ZSWIM6: variants seen among roughly 807,000 people sequenced by gnomAD.
ZSWIM6 encodes the protein zinc finger SWIM domain-containing protein 6.
A neutral mutation model predicts 113.2 loss-of-function variants in ZSWIM6; 9 were observed. The ratio of observed to expected loss-of-function variants is 0.08; its 90% CI spans 0.05 to 0.14. The LOEUF (loss-of-function observed/expected upper bound fraction) is 0.14. ZSWIM6 is among the 10% of genes least tolerant of loss of function. The pLI is 1.00. For missense variants in ZSWIM6, 1,162 were observed against 1,552.2 expected, an observed-to-expected ratio of 0.75 and a Z score of 4.22; for synonymous variants, 611 against 606.5, an observed-to-expected ratio of 1.01 and a Z score of -0.11.
chr5:61,402,094 G>C (rs935193614), intron 1 of ZSWIM6, among the ~76,000 whole-genome samples: 7 of 152,164 alleles, frequency 4.6e-5, no homozygotes, highest in African/African-American at 1.7e-4. Context: ...TCAAGGAAAT[G>C]ATTTCTTATC....
At chr5:61,348,567 A>G (rs1561201735) in intron 1 of ZSWIM6, among the ~76,000 whole-genome samples, 1 of 152,090 alleles carries the variant, frequency 6.6e-6, no homozygotes, top group African/African-American at 2.4e-5. Flanking sequence ...CGTTTCAGGG[A>G]TTTATTGGCT....
chr5:61,430,159 C>A (rs1746549766), intron 1 of ZSWIM6, among the ~76,000 whole-genome samples: 1 of 151,818 alleles, frequency 6.6e-6, no homozygotes, highest in African/African-American at 2.4e-5. Context: ...GGAATGGAAG[C>A]CAGATTGAAA....
chr5:61,476,959 C>T (rs1235834294), intron 2 of ZSWIM6, among the ~76,000 whole-genome samples: 7 of 152,056 alleles, frequency 4.6e-5, no homozygotes. Context: ...TAATTTTAAT[C>T]ATACAATGGA....
At chr5:61,385,754 C>T (rs1381386313) in intron 1 of ZSWIM6, among the ~76,000 whole-genome samples, 2 of 152,198 alleles carry the variant, frequency 1.3e-5, no homozygotes, top group Non-Finnish European at 2.9e-5. Flanking sequence ...GGGAGGCTTC[C>T]CTCAGCCCCT....
Position 61,494,237 on chromosome 5 carries a change from A to C in ZSWIM6, c.1183-23A>C, listed in dbSNP as rs748707277. ...GTGTTTTCGTTTTGAACAATTTTCT[A>C]AAGGTCTGTTTTTCCCCATTAGGTG... On this transcript the variant is annotated intron_variant, in intron 3 of 13. Transcript: ENST00000252744. The C allele has an allele frequency of 7.8e-6, 12 of 1,544,974 alleles. No individual in the cohort carries two copies. In the African/African-American group the frequency reaches 1.7e-4, roughly 21 times the overall value.
intron 1 of ZSWIM6, among the ~76,000 whole-genome samples, chr5:61,336,572 A>G (rs1433541402): frequency 6.6e-6 from 1 of 152,150 alleles, no homozygotes; most frequent in Non-Finnish European, 1.5e-5. Flanking sequence ...AGCCTGGCCA[A>G]CATGGCAAAT....
chr5:61,392,681 C>T (rs1745747649), intron 1 of ZSWIM6, among the ~76,000 whole-genome samples: 1 of 152,170 alleles, frequency 6.6e-6, no homozygotes, highest in Middle Eastern at 3.4e-3. Flanking sequence ...GGCGTGATCG[C>T]AGCTCACCGC....
At chr5:61,490,970 A>G (rs1748160638) in intron 3 of ZSWIM6, 36 bp downstream of exon 3, 1 of 1,488,034 alleles carries the variant, frequency 6.7e-7, no homozygotes, top group Non-Finnish European at 8.9e-7. Flanking sequence ...TATTCTAAAT[A>G]TATACATATA....
Position 61,494,374 on chromosome 5 carries a change from A to G in ZSWIM6, c.1297A>G (p.Met433Val), listed in dbSNP as rs904124463. ...LSLWRQQGTA[M>V]TDKYRQLWDE... ...ACTTTGGCGGCAACAAGGCACTGCA[A>G]TGACTGACAAATACAGGCAGCTCTG... is the stretch of plus-strand genomic sequence containing the variant. The change falls in exon 4 of 14, where the codon ATG (methionine) becomes GTG (valine). Residue 433 changes from methionine to valine, a missense_variant. Coordinates refer to ENST00000252744, the MANE Select transcript of ZSWIM6 (RefSeq NM_020928.2). The G allele has an allele frequency of 1.3e-6, 2 of 1,550,988 alleles. No homozygotes were observed. Among genetic ancestry groups the G allele is most frequent in the African/African-American group, 2.7e-5 (2 of 73,002 alleles).
At chr5:61,379,132 T>C (rs1282593202) in intron 1 of ZSWIM6, among the ~76,000 whole-genome samples, 1 of 141,752 alleles carries the variant, frequency 7.1e-6, no homozygotes, top group Non-Finnish European at 1.5e-5. Flanking sequence ...AGTGAGCTAC[T>C]GTGATCATGC....
intron 2 of ZSWIM6, among the ~76,000 whole-genome samples, chr5:61,481,905 A>G (rs1449236162): frequency 6.6e-6 from 1 of 152,204 alleles, no homozygotes. Flanking sequence ...CACAAAGATT[A>G]ATTATACAGT....
At chr5:61,390,746 G>T in intron 1 of ZSWIM6, 1 of 790,104 alleles carries the variant, frequency 1.3e-6, no homozygotes. Flanking sequence ...TGGTCTGGAA[G>T]CAGCCATGGC....
At position 61,542,613 on chromosome 5, in the gene ZSWIM6, T is replaced by C. The variant is rs563220405; in HGVS notation, c.2785+648T>C. On this transcript the variant is annotated intron_variant, in intron 13 of 13. Transcript: ENST00000252744. ...GAGAAAACACTGCCATCCCAGTGTT[T>C]AGATATGACACAGCATATACTATAA... Among the ~76,000 whole-genome samples the C allele has an allele frequency of 2.0e-5, 3 of 152,364 alleles. No individual in the cohort carries two copies. The East Asian group carries it at 5.8e-4, about 29-fold the overall frequency.
intron 1 of ZSWIM6, among the ~76,000 whole-genome samples, chr5:61,383,984 G>A (rs543370468): frequency 5.3e-5 from 8 of 151,026 alleles, no homozygotes; most frequent in Non-Finnish European, 8.9e-5. Flanking sequence ...GCTCACGCCT[G>A]TAATCCCAGC....
At chr5:61,452,368 G>A (rs1348776989) in intron 1 of ZSWIM6, among the ~76,000 whole-genome samples, 1 of 152,068 alleles carries the variant, frequency 6.6e-6, no homozygotes, top group Non-Finnish European at 1.5e-5. Context: ...TTACAAAAAT[G>A]TTATGAACAT....
At chr5:61,528,780 G>T (rs1749353529) in intron 7 of ZSWIM6, among the ~76,000 whole-genome samples, 1 of 152,014 alleles carries the variant, frequency 6.6e-6, no homozygotes, top group South Asian at 2.1e-4. Flanking sequence ...TACAGACGGG[G>T]TTTCACCATG....
At chr5:61,487,937 G>A (rs955088235) in intron 2 of ZSWIM6, among the ~76,000 whole-genome samples, 2 of 151,932 alleles carry the variant, frequency 1.3e-5, no homozygotes, top group Non-Finnish European at 2.9e-5. Flanking sequence ...GGTGAAAATG[G>A]GCATTCCTGT....
chr5:61,514,446 T>C (rs1016347626), intron 4 of ZSWIM6, among the ~76,000 whole-genome samples: 1 of 152,082 alleles, frequency 6.6e-6, no homozygotes, highest in African/African-American at 2.4e-5. Flanking sequence ...CATCTTTGCG[T>C]TGTTTCTATC....
intron 1 of ZSWIM6, among the ~76,000 whole-genome samples, chr5:61,427,941 C>G (rs542727474): frequency 6.6e-6 from 1 of 151,784 alleles, no homozygotes; most frequent in African/African-American, 2.4e-5. Flanking sequence ...CTGACAGAGT[C>G]CATAAAAATG....
Sources: gnomAD v4.1 joint callset for allele counts (sites outside exome capture counted in the v4.1 genomes callset) on GRCh38, gnomAD v4.1.1 for gene constraint, MANE v1.5 for transcripts, NCBI Gene and HGNC (gene_info 2026-07-23, HGNC 2026-07-21) for gene names.